Variants in PRKD2 observed in about 807,000 individuals in gnomAD.
PRKD2 encodes protein kinase D2.
PRKD2 carries 22 observed loss-of-function variants against 86.0 expected under a neutral mutation model. The ratio of observed to expected loss-of-function variants is 0.26; its 90% CI spans 0.18 to 0.37. PRKD2 has a LOEUF of 0.37. Among genes scored for constraint, PRKD2 ranks in the 10% least tolerant of loss-of-function variants. PRKD2 has a pLI of 1.00. For synonymous variants in PRKD2, 509 were observed against 510.9 expected, an observed-to-expected ratio of 1.00 and a Z score of 0.05; for missense variants, 818 against 1,199.2, an observed-to-expected ratio of 0.68 and a Z score of 4.70.
intron 2 of PRKD2, 71 bp downstream of exon 2, chr19:46,713,792 C>CT (rs2053842425): frequency 7.7e-7 from 1 of 1,302,378 alleles, no homozygotes; most frequent in Non-Finnish European, 1.0e-6. Context: ...CTAACTCCCC[C>CT]TACCCTCTCC....
chr19:46,701,151 A>G, intron 5 of PRKD2, 39 bp from the exon 6 acceptor site: 1 of 1,593,800 alleles, frequency 6.3e-7, no homozygotes, highest in East Asian at 2.2e-5. Context: ...TGAGAAGGGG[A>G]AGAGAGGTTA....
At chr19:46,708,254 T>C (rs965070472) in intron 3 of PRKD2, among the ~76,000 whole-genome samples, 6 of 151,426 alleles carry the variant, frequency 4.0e-5, no homozygotes, top group Admixed American at 6.6e-5. Context: ...ATGGAGGTAA[T>C]TAAGGTTAAT....
Position 46,691,813 on chromosome 19 carries a change from G to C in PRKD2, c.1630-6C>G, listed in dbSNP as rs2053487513. 6.2e-7 allele frequency: 1 copy of C among 1,613,974 alleles called. No individual in the cohort carries two copies. Among genetic ancestry groups the C allele is most frequent in the Admixed American group, 1.7e-5 (1 of 60,000 alleles). ...TGGTAGACAGTGGCAATGTCCTACA[G>C]GGTGAAGACAGGGCAGGTCAGGGGT... is the stretch of plus-strand genomic sequence containing the variant. On this transcript the variant is annotated splice_region_variant and splice_polypyrimidine_tract_variant and intron_variant, in intron 11 of 17. Transcript: ENST00000291281.
At chr19:46,704,000 G>A (rs1264723024) in intron 5 of PRKD2, among the ~76,000 whole-genome samples, 169 bp downstream of exon 5, 1 of 65,586 alleles carries the variant, frequency 1.5e-5, no homozygotes, top group Non-Finnish European at 3.5e-5. Flanking sequence ...CACAACTGAG[G>A]TTCTAAGATT....
chr19:46,704,951 C>G (rs1002279120), intron 3 of PRKD2, among the ~76,000 whole-genome samples: 1 of 151,322 alleles, frequency 6.6e-6, no homozygotes, highest in Non-Finnish European at 1.5e-5. Context: ...AAAGGCTCCC[C>G]CCAAAGCTCT....
chr19:46,697,694 C>G (rs1232082582), intron 8 of PRKD2, 39 bp downstream of exon 8: 2 of 1,573,714 alleles, frequency 1.3e-6, no homozygotes, highest in South Asian at 2.2e-5. Flanking sequence ...CTCTTCCAGC[C>G]TTCGCTCCGC....
chr19:46,706,996 T>C (rs964607668), intron 3 of PRKD2, among the ~76,000 whole-genome samples: 3 of 150,414 alleles, frequency 2.0e-5, no homozygotes, highest in African/African-American at 7.4e-5. Context: ...CAGGTTCAAA[T>C]GATTCTCCTG....
chr19:46,699,804 G>C (rs2122721010), intron 7 of PRKD2, among the ~76,000 whole-genome samples: 1 of 151,880 alleles, frequency 6.6e-6, no homozygotes, highest in East Asian at 1.9e-4. Context: ...GTGTAGGCTG[G>C]GGGCACAGTG....
intron 12 of PRKD2, 124 bp from the exon 13 acceptor site, chr19:46,690,830 GAAGGCCCCAGGAGATACGTGAA>G (rs1444286099): frequency 1.2e-6 from 1 of 833,144 alleles, no homozygotes; most frequent in African/African-American, 1.7e-5. Flanking sequence ...GGCAGAGTTG[GAAGGCCCCAGGAGATACGTGAA>G]AAGGCCACCT....
intron 5 of PRKD2, 26 bp downstream of exon 5, chr19:46,704,143 T>A: frequency 3.7e-6 from 6 of 1,612,890 alleles, no homozygotes; most frequent in Non-Finnish European, 4.2e-6. Flanking sequence ...TGACCCTGTC[T>A]GTCCTCCCCG....
rs1159306440 is a variant in PRKD2, at chr19:46,680,924, C to CTA, written c.2070+724_2070+725dup. Among the ~76,000 whole-genome samples, 475 of 72,418 alleles carry CTA rather than the reference C, an allele frequency of 6.6e-3. 19 individuals are homozygous for CTA. Among genetic ancestry groups the CTA allele is most frequent in the African/African-American group, 0.018 (395 of 21,452 alleles). 47.5% of individuals were successfully genotyped at this position (72,418 alleles called of 152,430 possible). A position where few individuals can be genotyped will look rare whatever the true frequency, so the allele number is the denominator to read the frequency against. ...ATAAAGTGCTATATGTTGGGATAAA[C>CTA]TATATATATATATATATATATATTT... On this transcript the variant is annotated intron_variant, in intron 15 of 17. Transcript: ENST00000291281.
chr19:46,689,675 C>T lies in PRKD2; in HGVS notation c.1833G>A (p.Val611=), dbSNP rs1409695258. ...GCGTCTCGAACATGCACTCCAGGTT[C>T]ACGATCCCGGGATGCCGCAGGCTCT... ...ILQSLRHPGI[V]NLECMFETPE... is the part of the protein sequence containing the mutation. The change falls in exon 14 of 18, where the codon GTG becomes GTA. Residue 611 remains valine (V), a synonymous_variant. Coordinates refer to ENST00000291281, the MANE Select transcript of PRKD2 (RefSeq NM_016457.5). 2.5e-6 allele frequency: 4 copies of T among 1,613,990 alleles called. No individual in the cohort carries two copies. In the African/African-American group the frequency reaches 5.3e-5, roughly 22 times the overall value.
Position 46,700,891 on chromosome 19 carries a change from C to T in PRKD2, c.1029G>A (p.Glu343=), listed in dbSNP as rs1399236578. The T allele has an allele frequency of 6.2e-7, 1 of 1,614,270 alleles. No homozygotes were observed. The highest frequency in any genetic ancestry group is 8.5e-7 in the Non-Finnish European group (1 of 1,180,050). The change falls in exon 7 of 18, where the codon GAG becomes GAA. Residue 343 remains glutamate, a synonymous_variant. Coordinates refer to ENST00000291281, the MANE Select transcript of PRKD2 (RefSeq NM_016457.5). ...SEADKSALMD[E]SEDSGVIPGS... is the part of the protein sequence containing the mutation. Reference sequence around the variant, plus strand: ...CAGGGATGACACCGGAGTCCTCTGACTCATCCATGAGGGCGCTCTTGTCAG... The same window carrying T: ...CAGGGATGACACCGGAGTCCTCTGATTCATCCATGAGGGCGCTCTTGTCAG...
In PRKD2 at chr19:46,700,840, G is replaced by A. The variant is rs774322205; in HGVS notation, c.1080C>T (p.His360=). 15 of 1,614,242 alleles carry A rather than the reference G, an allele frequency of 9.3e-6. No homozygotes were observed. Among genetic ancestry groups the A allele is most frequent in the Admixed American group, 1.7e-5 (1 of 60,030 alleles). Reference sequence around the variant, plus strand: ...CCTCGCCTTCCTCCTCCTCACTGGCGTGGAGCGCATTCTCTGAGTGGGAGC... The same window carrying A: ...CCTCGCCTTCCTCCTCCTCACTGGCATGGAGCGCATTCTCTGAGTGGGAGC... The part of the protein sequence containing the change: ...IPGSHSENAL[H]ASEEEEGEGG... The change falls in exon 7 of 18, where the codon CAC becomes CAT. Residue 360 remains histidine, a synonymous_variant. Transcript: ENST00000291281.
intron 15 of PRKD2, among the ~76,000 whole-genome samples, chr19:46,680,947 T>TATATATATA (rs1555826536): frequency 6.0e-5 from 2 of 33,222 alleles, no homozygotes; most frequent in East Asian, 1.4e-3. Context: ...TATATATATA[T>TATATATATA]TTTTTTTTTT....
Position 46,704,732 on chromosome 19 carries a change from ATC to A in PRKD2, c.512-85_512-84del, listed in dbSNP as rs2122754130. 8.0e-6 allele frequency: 12 copies of A among 1,491,494 alleles called. No individual in the cohort carries two copies. In the East Asian group the frequency reaches 2.5e-4, roughly 31 times the overall value. The allele number at this position is 1,491,494 out of a possible 1,614,324, so 92.4% of individuals were successfully genotyped here. A position where few individuals can be genotyped will look rare whatever the true frequency, so the allele number is the denominator to read the frequency against. On this transcript the variant is annotated intron_variant, in intron 3 of 17. Transcript: ENST00000291281. ...TGAGAAGTTGTGCCCTTTCCACCCA[ATC>A]TCTCACCTGGTCCTGTCCCATCACC...
intron 8 of PRKD2, 44 bp from the exon 9 acceptor site, chr19:46,697,278 T>A (rs1433464161): frequency 6.9e-7 from 1 of 1,442,794 alleles, no homozygotes; most frequent in Admixed American, 1.7e-5. Context: ...CAGACTTTCC[T>A]GCCCAGTCCC....
Position 46,693,947 on chromosome 19 carries a change from T to C in PRKD2, c.1504A>G (p.Thr502Ala). ...GGCATCAGGGCCTGGCGGATGGCTG[T>C]CTCCCAGCCCCGGGCGGCCTCAGCC... ...QGAEAARGWE[T>A]AIRQALMPVI... Residue 502 changes from threonine to alanine, a missense_variant, in exon 10 of 18, where the codon ACA becomes GCA. Thr to Ala is a moderately conservative substitution (Grantham distance 58). Around this residue, in one of 5 missense-constraint regions of PRKD2, gnomAD observed 127 missense variants for 157.8 expected, o/e 0.80. Transcript: ENST00000291281. This position sits in a 1 kb window ranked among gnomAD's most constrained non-coding sequence, Gnocchi z 4.5. 1 of 1,611,508 alleles carries C rather than the reference T, an allele frequency of 6.2e-7. No individual in the cohort carries two copies. The highest frequency in any genetic ancestry group is 2.2e-5 in the East Asian group (1 of 44,856).
rs2053507099 is a variant in PRKD2 at position 46,693,204 on chromosome 19, T to C, written c.1576+671A>G. Among the ~76,000 whole-genome samples, 1 of 149,030 alleles carries C rather than the reference T, an allele frequency of 6.7e-6. No homozygotes were observed. The highest frequency in any genetic ancestry group is 2.2e-4 in the South Asian group (1 of 4,508). On this transcript the variant is annotated intron_variant, in intron 10 of 17. Coordinates refer to ENST00000291281, the MANE Select transcript of PRKD2 (RefSeq NM_016457.5). This position sits in a 1 kb window ranked among gnomAD's most constrained non-coding sequence, Gnocchi z 4.5. ...TTCCTTGTCCCAACCCTGCCCACCCTGGACTGTCACTCTCTGAAGATGGGT... is the reference window on the plus strand; with the variant it reads ...TTCCTTGTCCCAACCCTGCCCACCCCGGACTGTCACTCTCTGAAGATGGGT...
Sources: allele counts gnomAD v4.1 joint callset (sites outside exome capture counted in the v4.1 genomes callset), GRCh38; gene constraint gnomAD v4.1.1; regional missense constraint gnomAD v4.1.1; non-coding constraint Gnocchi (gnomAD v3.1); transcripts MANE v1.5; gene names NCBI Gene and HGNC (gene_info 2026-07-23, HGNC 2026-07-21).